RTN3: variants seen among roughly 807,000 people sequenced by gnomAD.
The protein encoded by RTN3 is reticulon 3, also known as reticulon-3.
RTN3 carries 49 observed loss-of-function variants against 77.8 expected under a neutral mutation model. That is an observed-to-expected ratio of 0.63 (90% confidence interval 0.50 to 0.80). The LOEUF is 0.80. RTN3 is among the 30% of genes least tolerant of loss of function. The probability of loss-of-function intolerance (pLI) is 0.00; values close to 1 mark genes in which losing one functional copy is unlikely to be tolerated. For synonymous variants in RTN3, 464 were observed against 446.9 expected, an observed-to-expected ratio of 1.04 and a Z score of -0.48; for missense variants, 1,236 against 1,211.9, an observed-to-expected ratio of 1.02 and a Z score of -0.29.
chr11:63,693,846 G>GAT, intron 1 of RTN3, among the ~76,000 whole-genome samples: 1 of 151,990 alleles, frequency 6.6e-6, no homozygotes, highest in Non-Finnish European at 1.5e-5. Flanking sequence ...CTCTGGCCGG[G>GAT]CACAGTGGCT....
At chr11:63,706,676 G>A (rs1942507720) in intron 2 of RTN3, among the ~76,000 whole-genome samples, 1 of 151,876 alleles carries the variant, frequency 6.6e-6, no homozygotes, top group Non-Finnish European at 1.5e-5. Context: ...AACGTATGAA[G>A]TAGTTATATT....
At chr11:63,685,002 C>T (rs1360940910) in intron 1 of RTN3, among the ~76,000 whole-genome samples, 4 of 150,886 alleles carry the variant, frequency 2.7e-5, no homozygotes, top group South Asian at 2.1e-4. Flanking sequence ...TCAAGTGATC[C>T]GCCCACCTCG....
At chr11:63,734,494 T>C (rs1565333077) in intron 3 of RTN3, among the ~76,000 whole-genome samples, 1 of 151,990 alleles carries the variant, frequency 6.6e-6, no homozygotes. Flanking sequence ...CCCAGTACTT[T>C]GGGAGGCCGA....
intron 1 of RTN3, among the ~76,000 whole-genome samples, chr11:63,697,073 A>G (rs1176065119): frequency 1.3e-5 from 2 of 149,694 alleles, no homozygotes; most frequent in East Asian, 2.0e-4. Context: ...TTTAGTAGAG[A>G]TGGGGTTTCA....
chr11:63,737,478 C>T (rs115858530), intron 3 of RTN3, among the ~76,000 whole-genome samples: 4 of 152,158 alleles, frequency 2.6e-5, no homozygotes, highest in African/African-American at 7.2e-5. Flanking sequence ...GATGTGGTGA[C>T]GGGCACCCGT....
intron 1 of RTN3, among the ~76,000 whole-genome samples, chr11:63,703,946 C>G (rs1247746945): frequency 1.3e-5 from 2 of 152,000 alleles, no homozygotes; most frequent in Non-Finnish European, 2.9e-5. Context: ...AGAATATGTG[C>G]ATTTTAAATT....
At chr11:63,723,156 A>G (rs369985179) in intron 3 of RTN3, among the ~76,000 whole-genome samples, 1 of 152,190 alleles carries the variant, frequency 6.6e-6, no homozygotes, top group East Asian at 1.9e-4. Context: ...GTAAAGGGCT[A>G]TGGAAGTTCA....
intron 3 of RTN3, among the ~76,000 whole-genome samples, chr11:63,745,897 G>A (rs1238180317): frequency 2.0e-5 from 3 of 152,132 alleles, no homozygotes; most frequent in Admixed American, 1.3e-4. Context: ...TGCCACCTCC[G>A]CCTCCCAGGT....
chr11:63,706,618 T>C (rs1281944053), intron 2 of RTN3, among the ~76,000 whole-genome samples: 3 of 152,194 alleles, frequency 2.0e-5, no homozygotes, highest in African/African-American at 2.4e-5. Context: ...GAAATTAACA[T>C]GTTTACATTA....
intron 8 of RTN3, among the ~76,000 whole-genome samples, chr11:63,757,887 G>A (rs574373545): frequency 1.4e-4 from 21 of 151,848 alleles, no homozygotes; most frequent in African/African-American, 3.4e-4. Flanking sequence ...ACACCAACAC[G>A]CCTGGCTAAT....
chr11:63,715,233 A>G (rs1237895951), intron 2 of RTN3, among the ~76,000 whole-genome samples: 1 of 152,238 alleles, frequency 6.6e-6, no homozygotes, highest in Non-Finnish European at 1.5e-5. Context: ...CTTTAAGCCC[A>G]GTTTCTAAAA....
At chr11:63,712,281 A>G (rs1228919868) in intron 2 of RTN3, among the ~76,000 whole-genome samples, 1 of 152,100 alleles carries the variant, frequency 6.6e-6, no homozygotes, top group Non-Finnish European at 1.5e-5. Context: ...CTCTATGTCA[A>G]GAGAGTTTTT....
chr11:63,747,216 T>C lies in RTN3; in HGVS notation c.2531-2775T>C, dbSNP rs371900489. On this transcript the variant is annotated intron_variant, in intron 3 of 8. Transcript: ENST00000377819. Reference sequence around the variant, plus strand: ...AGTGCATGCACTATGTCTGGAGGCATATGGTATCTGTTTGTTCTACTACTG... The same window carrying C: ...AGTGCATGCACTATGTCTGGAGGCACATGGTATCTGTTTGTTCTACTACTG... Among the ~76,000 whole-genome samples the C allele has an allele frequency of 6.6e-5, 10 of 152,234 alleles. No homozygotes were observed. In the South Asian group the frequency reaches 1.9e-3, roughly 28 times the overall value.
In RTN3 at chr11:63,719,112, A is replaced by G; in HGVS notation, c.610A>G (p.Arg204Gly). Residue 204 changes from arginine to glycine, a missense_variant, in exon 3 of 9, where the codon AGA becomes GGA. By Grantham distance (125) the Arg-to-Gly change is moderately radical. Transcript: ENST00000377819. ...TAAAACTGCATTGGATGCTGATGAC[A>G]GATTCACTTTGCTGACAGCCCAGAA... ...EAKTALDADD[R>G]FTLLTAQKPP... The G allele has an allele frequency of 6.2e-7, 1 of 1,614,216 alleles. No homozygotes were observed. The highest frequency in any genetic ancestry group is 1.1e-5 in the South Asian group (1 of 91,080).
chr11:63,715,584 G>T (rs183637895), intron 2 of RTN3, among the ~76,000 whole-genome samples: 4 of 152,214 alleles, frequency 2.6e-5, no homozygotes, highest in South Asian at 2.1e-4. Context: ...CTTCAATCTG[G>T]GGGGCGGAGG....
At chr11:63,748,426 C>T (rs1279137564) in intron 3 of RTN3, among the ~76,000 whole-genome samples, 10 of 150,514 alleles carry the variant, frequency 6.6e-5, no homozygotes, top group Admixed American at 4.0e-4. Context: ...TGGCTCACTG[C>T]AACCTCCGCC....
Position 63,753,081 on chromosome 11 carries a change from A to C in RTN3, c.2890A>C (p.Met964Leu). The change falls in exon 6 of 9, where the codon ATG becomes CTG. Residue 964 changes from methionine to leucine, a missense_variant. Coordinates refer to ENST00000377819, the MANE Select transcript of RTN3 (RefSeq NM_001265589.2). ...LVDSLKLAVFMWLMTYVGAVF... is the reference protein window; with the variant it reads ...LVDSLKLAVFLWLMTYVGAVF... ...ATGGCCTTCACAGCTGGCTGTCTTC[A>C]TGTGGCTGATGACCTATGTTGGTGC... The C allele has an allele frequency of 6.2e-7, 1 of 1,614,140 alleles. No individual in the cohort carries two copies. The highest frequency in any genetic ancestry group is 8.5e-7 in the Non-Finnish European group (1 of 1,180,002).
At chr11:63,721,326 G>T (rs772865345) in intron 3 of RTN3, among the ~76,000 whole-genome samples, 2 of 152,092 alleles carry the variant, frequency 1.3e-5, no homozygotes, top group Non-Finnish European at 2.9e-5. Context: ...TATAATCCCA[G>T]CACTTTGGGA....
rs768169251 is a variant in RTN3, at chr11:63,719,430, T to C, written c.928T>C (p.Leu310=). The part of the protein sequence containing the change: ...KEAGRYPMSA[L]LSRQFSHTNA... ...GGCAGGACGTTACCCAATGTCTGCA[T>C]TGCTCAGTAGGCAGTTTTCACACAC... The change falls in exon 3 of 9, where the codon TTG becomes CTG. Residue 310 remains leucine, a synonymous_variant. Coordinates refer to ENST00000377819, the MANE Select transcript of RTN3 (RefSeq NM_001265589.2). 7.4e-6 allele frequency: 12 copies of C among 1,614,152 alleles called. No individual in the cohort carries two copies. The South Asian group carries it at 1.3e-4, about 18-fold the overall frequency.
Sources: allele counts gnomAD v4.1 joint callset (sites outside exome capture counted in the v4.1 genomes callset), GRCh38; gene constraint gnomAD v4.1.1; transcripts MANE v1.5; gene names NCBI Gene and HGNC (gene_info 2026-07-23, HGNC 2026-07-21).